LAMP3: variants seen among roughly 807,000 people sequenced by gnomAD.
The protein encoded by LAMP3 is lysosome-associated membrane glycoprotein 3.
In LAMP3, 26 loss-of-function variants were observed where a neutral mutation model predicts 34.8. The ratio of observed to expected loss-of-function variants is 0.75; its 90% CI spans 0.55 to 1.04. The LOEUF (loss-of-function observed/expected upper bound fraction) is 1.04, where lower values mean the gene tolerates loss of function less well. Among genes scored for constraint, LAMP3 ranks in the 50% least tolerant of loss-of-function variants. The pLI is 0.00. For synonymous variants in LAMP3, 180 were observed against 201.9 expected (o/e 0.89, Z 0.92); for missense variants, 495 against 524.0 (o/e 0.94, Z 0.54).
intron 1 of LAMP3, among the ~76,000 whole-genome samples, chr3:183,156,739 CTT>C (rs1387282290): frequency 6.6e-6 from 1 of 152,196 alleles, no homozygotes; most frequent in East Asian, 1.9e-4. Context: ...CTCAAAAACA[CTT>C]TGGTGGGTAC....
At chr3:183,145,277 C>T (rs1426159134) in intron 3 of LAMP3, among the ~76,000 whole-genome samples, 2 of 151,744 alleles carry the variant, frequency 1.3e-5, no homozygotes, top group African/African-American at 4.9e-5. Flanking sequence ...AATGAAACTG[C>T]GGGAAAAAAA....
intron 1 of LAMP3, chr3:183,158,004 G>A (rs1370256443): frequency 1.3e-5 from 2 of 152,384 alleles, no homozygotes; most frequent in Admixed American, 1.3e-4. Flanking sequence ...GTAGACAGAA[G>A]GCTGGGCTGG....
chr3:183,133,772 T>C (rs1479551529), intron 5 of LAMP3, among the ~76,000 whole-genome samples: 1 of 152,164 alleles, frequency 6.6e-6, no homozygotes, highest in Non-Finnish European at 1.5e-5. Flanking sequence ...CAAAACACAA[T>C]GTTTGCAGGC....
In LAMP3 at chr3:183,124,057, A is replaced by AT; in HGVS notation, c.*23dup. 6.2e-7 allele frequency: 1 copy of AT among 1,613,606 alleles called. No homozygotes were observed. Among genetic ancestry groups the AT allele is most frequent in the South Asian group, 1.1e-5 (1 of 91,038 alleles). Reference sequence around the variant, plus strand: ...ATGAAAGAGTTCTCTAAATTCCATTATTTTCATTCCCCCCGGGCAACAATT... The same window carrying AT: ...ATGAAAGAGTTCTCTAAATTCCATTATTTTTCATTCCCCCCGGGCAACAATT... On this transcript the variant is annotated 3_prime_UTR_variant, in exon 6 of 6. Transcript: ENST00000265598.
intron 5 of LAMP3, chr3:183,132,832 T>A (rs1719967420): frequency 3.0e-6 from 3 of 985,316 alleles, no homozygotes; most frequent in Admixed American, 1.2e-4. Context: ...TGCGTTCATA[T>A]CCTCTACTGG....
chr3:183,139,338 T>C (rs1488579928), intron 4 of LAMP3, among the ~76,000 whole-genome samples: 1 of 147,640 alleles, frequency 6.8e-6, no homozygotes, highest in African/African-American at 2.5e-5. Flanking sequence ...TGCAGTGAGC[T>C]GAGACCAAGC....
intron 3 of LAMP3, among the ~76,000 whole-genome samples, chr3:183,151,475 T>A (rs1198822850): frequency 6.9e-6 from 1 of 145,904 alleles, no homozygotes; most frequent in Non-Finnish European, 1.5e-5. Flanking sequence ...TTGCCCAGGC[T>A]GGAGTGCAAT....
intron 3 of LAMP3, among the ~76,000 whole-genome samples, chr3:183,148,891 C>T (rs1244565854): frequency 2.0e-5 from 3 of 152,228 alleles, no homozygotes; most frequent in Non-Finnish European, 4.4e-5. Context: ...TCTGCTCTCC[C>T]ACATCCATTC....
In LAMP3 at chr3:183,137,469, T is replaced by C. The variant is rs551514170; in HGVS notation, c.947-1582A>G. ...TCACTGGCCAGAGGACCCAACTCTC[T>C]GGTCTGCTTAGTAGTTACAGTAAGG... is the stretch of plus-strand genomic sequence containing the variant. On this transcript the variant is annotated intron_variant, in intron 4 of 5. Transcript: ENST00000265598. Among the ~76,000 whole-genome samples the C allele has an allele frequency of 6.6e-5, 10 of 152,236 alleles. No homozygotes were observed. The East Asian group carries it at 1.5e-3, about 23-fold the overall frequency.
At chr3:183,151,627 C>A (rs1720636744) in intron 3 of LAMP3, among the ~76,000 whole-genome samples, 1 of 151,988 alleles carries the variant, frequency 6.6e-6, no homozygotes, top group Admixed American at 6.6e-5. Context: ...GGGCTTTCAC[C>A]ATGTTGGCCA....
chr3:183,145,586 G>T (rs1720415124), intron 3 of LAMP3, among the ~76,000 whole-genome samples: 1 of 152,200 alleles, frequency 6.6e-6, no homozygotes, highest in Non-Finnish European at 1.5e-5. Context: ...TGGGCACAGT[G>T]GCTCACACCT....
At chr3:183,140,920 G>C (rs1005285367) in intron 3 of LAMP3, among the ~76,000 whole-genome samples, 3 of 152,156 alleles carry the variant, frequency 2.0e-5, no homozygotes, top group African/African-American at 7.2e-5. Context: ...AAGTCCATTG[G>C]GAAGATGGAG....
chr3:183,125,624 A>C (rs1008225316), intron 5 of LAMP3, among the ~76,000 whole-genome samples: 2 of 152,270 alleles, frequency 1.3e-5, no homozygotes, highest in African/African-American at 4.8e-5. Flanking sequence ...GATAGCAATC[A>C]GAAGAAATTG....
rs1419425869 is a variant in LAMP3, at chr3:183,154,119, G to A, written c.322C>T (p.Gln108Ter). The stretch of plus-strand genomic sequence containing the variant: ...GTGTGTGAGTTGTTGGGTGTGGCCT[G>A]GGTTGTGACCAGGGTGTAGGTAATT... Reference protein sequence around the residue: ...SPITYTLVTTQATPNNSHTAP... With the variant: ...SPITYTLVTT The change falls in exon 2 of 6, where the codon CAG becomes TAG. Residue 108 changes from glutamine to a stop codon, truncating the protein, a stop_gained. Coordinates refer to ENST00000265598, the MANE Select transcript of LAMP3 (RefSeq NM_014398.4). LOFTEE classifies it high-confidence loss of function. 6.2e-7 allele frequency: 1 copy of A among 1,614,160 alleles called. No homozygotes were observed. Among genetic ancestry groups the A allele is most frequent in the Admixed American group, 1.7e-5 (1 of 60,012 alleles).
chr3:183,138,024 T>C (rs979583710), intron 4 of LAMP3, among the ~76,000 whole-genome samples: 1 of 152,058 alleles, frequency 6.6e-6, no homozygotes, highest in Non-Finnish European at 1.5e-5. Context: ...GATTTTGCCA[T>C]GTTGGCCAGG....
Position 183,153,811 on chromosome 3 carries a change from C to T in LAMP3, c.630G>A (p.Thr210=), listed in dbSNP as rs1262162187. ...GAGGTGCAAGGGTGGGCCCAGGAACCGTGGAGGCAGGTGCAGCTGTGCGGG... is the reference window on the plus strand; with the variant it reads ...GAGGTGCAAGGGTGGGCCCAGGAACTGTGGAGGCAGGTGCAGCTGTGCGGG... ...NTTRTAAPAS[T]VPGPTLAPQP... The change falls in exon 2 of 6, where the codon ACG becomes ACA. Residue 210 remains threonine, a synonymous_variant. Transcript: ENST00000265598. The T allele has an allele frequency of 6.3e-6, 10 of 1,596,782 alleles. No individual in the cohort carries two copies. Among genetic ancestry groups the T allele is most frequent in the East Asian group, 4.5e-5 (2 of 44,816 alleles).
chr3:183,125,903 G>A (rs1385122342), intron 5 of LAMP3, among the ~76,000 whole-genome samples: 1 of 152,076 alleles, frequency 6.6e-6, no homozygotes, highest in Non-Finnish European at 1.5e-5. Flanking sequence ...TCAAACTCCT[G>A]GGCTGAAGCA....
At chr3:183,129,182 T>C (rs574806929) in intron 5 of LAMP3, among the ~76,000 whole-genome samples, 321 of 152,312 alleles carry the variant, frequency 2.1e-3, no homozygotes, top group African/African-American at 7.4e-3. Flanking sequence ...AACTTTCCCT[T>C]TTTATAGCTG....
intron 5 of LAMP3, among the ~76,000 whole-genome samples, chr3:183,128,842 T>A (rs1719844830): frequency 6.6e-6 from 1 of 152,154 alleles, no homozygotes; most frequent in African/African-American, 2.4e-5. Flanking sequence ...AGGCCAGGCC[T>A]ACTGTGACTT....
Sources: allele counts gnomAD v4.1 joint callset (sites outside exome capture counted in the v4.1 genomes callset), GRCh38; gene constraint gnomAD v4.1.1; transcripts MANE v1.5; gene names NCBI Gene and HGNC (gene_info 2026-07-23, HGNC 2026-07-21).